DCLK1: variants seen among roughly 807,000 people sequenced by gnomAD.
The protein encoded by DCLK1 is serine/threonine-protein kinase DCLK1.
Under a neutral mutation model 86.2 loss-of-function variants are expected in DCLK1, and 16 were observed. The ratio of observed to expected loss-of-function variants is 0.19; its 90% CI spans 0.13 to 0.28. The LOEUF is 0.28. DCLK1 is among the 10% of genes least tolerant of loss of function. DCLK1 has a pLI of 1.00. For missense variants in DCLK1, 590 were observed against 940.2 expected, an observed-to-expected ratio of 0.63 and a Z score of 4.87; for synonymous variants, 369 against 370.5, an observed-to-expected ratio of 1.00 and a Z score of 0.05.
chr13:35,918,892 G>GTTATTTTTTT (rs1875602272), intron 4 of DCLK1, among the ~76,000 whole-genome samples: 1 of 76,310 alleles, frequency 1.3e-5, no homozygotes, highest in Non-Finnish European at 2.5e-5. Context: ...TTCTGAGTGT[G>GTTATTTTTTT]TTTTTTTTTT....
intron 3 of DCLK1, among the ~76,000 whole-genome samples, chr13:36,101,718 G>T (rs1885223835): frequency 6.6e-6 from 1 of 151,882 alleles, no homozygotes; most frequent in Non-Finnish European, 1.5e-5. Context: ...ACCACTCTTG[G>T]TACTGAGGTT....
At chr13:36,073,848 C>T (rs753259977) in intron 3 of DCLK1, among the ~76,000 whole-genome samples, 3 of 152,142 alleles carry the variant, frequency 2.0e-5, no homozygotes, top group Non-Finnish European at 4.4e-5. Context: ...GGACCATGAC[C>T]ACAGACAGAT....
At position 35,990,117 on chromosome 13, in the gene DCLK1, T is replaced by C. The variant is rs1344790914; in HGVS notation, c.724-42660A>G. 5.9e-5 allele frequency among the ~76,000 whole-genome samples: 9 copies of C among 152,324 alleles called. No homozygotes were observed. The South Asian group carries it at 1.0e-3, about 18-fold the overall frequency. On this transcript the variant is annotated intron_variant, in intron 3 of 16. Transcript: ENST00000360631. ...AGCATAGAAAATATATTTGTGGTCCTAGGTCCTAGTTCCCAACAATGTCTT... is the reference window on the plus strand; with the variant it reads ...AGCATAGAAAATATATTTGTGGTCCCAGGTCCTAGTTCCCAACAATGTCTT...
At chr13:35,800,366 A>G (rs1031784172) in intron 15 of DCLK1, among the ~76,000 whole-genome samples, 1 of 152,222 alleles carries the variant, frequency 6.6e-6, no homozygotes, top group Non-Finnish European at 1.5e-5. Flanking sequence ...AAAGGAGAGA[A>G]AAGACTTGCC....
At chr13:35,963,393 A>C (rs17053259) in intron 3 of DCLK1, among the ~76,000 whole-genome samples, 6,822 of 152,184 alleles carry the variant, frequency 0.045, 239 homozygotes, top group East Asian at 0.12. Flanking sequence ...CTCTTATTGA[A>C]TGTTTTGGTA....
chr13:36,101,830 G>A (rs1171672700), intron 3 of DCLK1, among the ~76,000 whole-genome samples: 1 of 151,892 alleles, frequency 6.6e-6, no homozygotes, highest in Non-Finnish European at 1.5e-5. Context: ...TGCAACCTCC[G>A]CCTTCAAGTT....
At chr13:35,797,238 T>G (rs2086831447) in intron 15 of DCLK1, among the ~76,000 whole-genome samples, 2 of 152,208 alleles carry the variant, frequency 1.3e-5, no homozygotes, top group Admixed American at 6.5e-5. Flanking sequence ...CTAATTAACT[T>G]ACTGAGAAAG....
intron 4 of DCLK1, among the ~76,000 whole-genome samples, chr13:35,925,969 T>C (rs1876092440): frequency 6.6e-6 from 1 of 152,184 alleles, no homozygotes; most frequent in African/African-American, 2.4e-5. Context: ...GCAGTTTGTA[T>C]ACAAAACTAG....
intron 3 of DCLK1, among the ~76,000 whole-genome samples, chr13:36,056,685 AATAT>A (rs1206406211): frequency 1.3e-5 from 2 of 151,056 alleles, no homozygotes; most frequent in East Asian, 3.9e-4. Context: ...ATATAATGAA[AATAT>A]ATGTATATGT....
At chr13:35,825,284 T>C (rs1191259953) in intron 10 of DCLK1, among the ~76,000 whole-genome samples, 4 of 152,138 alleles carry the variant, frequency 2.6e-5, no homozygotes, top group African/African-American at 9.7e-5. Context: ...TTCACTTCCC[T>C]GGGAAGCTTC....
chr13:35,914,401 A>G (rs1875285389), intron 4 of DCLK1, among the ~76,000 whole-genome samples: 1 of 142,784 alleles, frequency 7.0e-6, no homozygotes, highest in African/African-American at 2.6e-5. Context: ...AAGCAAAATT[A>G]TTGCTAATTG....
At chr13:36,029,147 C>T (rs560509890) in intron 3 of DCLK1, among the ~76,000 whole-genome samples, 26 of 152,180 alleles carry the variant, frequency 1.7e-4, no homozygotes, top group Non-Finnish European at 1.3e-4. Flanking sequence ...GATTCAAGAA[C>T]CCTCTCTTGA....
intron 5 of DCLK1, among the ~76,000 whole-genome samples, chr13:35,868,483 T>A (rs1872016920): frequency 1.3e-5 from 2 of 152,228 alleles, no homozygotes; most frequent in Non-Finnish European, 2.9e-5. Context: ...TGTTTTTTTA[T>A]TCATCTTATA....
At chr13:35,891,442 A>G (rs1873638241) in intron 4 of DCLK1, among the ~76,000 whole-genome samples, 1 of 152,208 alleles carries the variant, frequency 6.6e-6, no homozygotes, top group Non-Finnish European at 1.5e-5. Flanking sequence ...GTTTATAAAT[A>G]TAGGATGTTT....
intron 4 of DCLK1, among the ~76,000 whole-genome samples, chr13:35,923,903 C>T (rs1481355383): frequency 6.6e-6 from 1 of 152,112 alleles, no homozygotes; most frequent in Non-Finnish European, 1.5e-5. Flanking sequence ...AGAAGCAGAA[C>T]AAATGCACAT....
intron 8 of DCLK1, among the ~76,000 whole-genome samples, chr13:35,834,146 A>G (rs1447761545): frequency 6.6e-6 from 1 of 152,196 alleles, no homozygotes; most frequent in East Asian, 1.9e-4. Flanking sequence ...GGGCATGGCA[A>G]TCTGCTAGAA....
At chr13:35,778,841 T>A (rs1383947237) in intron 16 of DCLK1, among the ~76,000 whole-genome samples, 1 of 152,170 alleles carries the variant, frequency 6.6e-6, no homozygotes, top group Non-Finnish European at 1.5e-5. Context: ...AAAGAATACA[T>A]TTCCTTTTTC....
chr13:35,967,849 A>C (rs1878859393), intron 3 of DCLK1, among the ~76,000 whole-genome samples: 1 of 152,018 alleles, frequency 6.6e-6, no homozygotes, highest in East Asian at 1.9e-4. Flanking sequence ...TTTAAAAAAA[A>C]AAGTAAAAAA....
rs1868650844 is a variant in DCLK1, at chr13:35,828,297, T to C, written c.1240A>G (p.Arg414Gly). The change falls in exon 9 of 17, where the codon AGA (arginine) becomes GGA (glycine). Residue 414 changes from arginine to glycine, a missense_variant. Physicochemically the swap from Arg to Gly is moderately radical, Grantham distance 125 (BLOSUM62 -2). This residue lies in a region of DCLK1 where 108 missense variants were observed against 195.7 expected (regional missense o/e 0.55). Transcript: ENST00000360631. Reference sequence around the variant, plus strand: ...TTGATAATTTTCAGAGCATACTCTCTAGCAGTCGATCTGCGAAGAGAAAGT... The same window carrying C: ...TTGATAATTTTCAGAGCATACTCTCCAGCAGTCGATCTGCGAAGAGAAAGT... ...VKECVERSTA[R>G]EYALKIIKKS... is the part of the protein sequence containing the mutation. The C allele has an allele frequency of 6.2e-7, 1 of 1,607,324 alleles. No individual in the cohort carries two copies. The highest frequency in any genetic ancestry group is 1.7e-5 in the Admixed American group (1 of 59,738).
Sources: allele counts gnomAD v4.1 joint callset (sites outside exome capture counted in the v4.1 genomes callset), GRCh38; gene constraint gnomAD v4.1.1; regional missense constraint gnomAD v4.1.1; transcripts MANE v1.5; gene names NCBI Gene and HGNC (gene_info 2026-07-23, HGNC 2026-07-21).